ATG13: variants seen among roughly 807,000 people sequenced by gnomAD.
ATG13 encodes the protein autophagy-related protein 13.
A neutral mutation model predicts 65.5 loss-of-function variants in ATG13; 23 were observed. The observed-to-expected ratio is 0.35, with a 90% CI of 0.25 to 0.50. The LOEUF is 0.50. Ranked by LOEUF, ATG13 falls within the 20% of genes least tolerant of loss-of-function variation. The pLI is 0.98. For missense variants in ATG13, 566 were observed against 677.0 expected (o/e 0.84, Z 1.82); for synonymous variants, 252 against 245.2 (o/e 1.03, Z -0.26).
chr11:46,639,976 C>T (rs1044191996), intron 2 of ATG13, among the ~76,000 whole-genome samples: 9 of 151,450 alleles, frequency 5.9e-5, no homozygotes, highest in East Asian at 5.8e-4. Flanking sequence ...GTCTCAGCCT[C>T]CTGAGTAGCT....
chr11:46,647,168 A>G (rs149989046), intron 5 of ATG13, among the ~76,000 whole-genome samples: 53 of 152,016 alleles, frequency 3.5e-4, no homozygotes, highest in African/African-American at 1.2e-3. Flanking sequence ...TTAATGGGAG[A>G]TATAACTGCA....
chr11:46,669,658 T>C (rs2063246220), intron 18 of ATG13, 126 bp downstream of exon 18: 1 of 1,216,158 alleles, frequency 8.2e-7, no homozygotes, highest in Non-Finnish European at 1.1e-6. Flanking sequence ...TAGAAAATTA[T>C]CTTTTGATCA....
Position 46,643,100 on chromosome 11 carries a change from G to A in ATG13, c.-13-1179G>A, listed in dbSNP as rs922045684. On this transcript the variant is annotated intron_variant, in intron 2 of 18. Coordinates refer to ENST00000683050, the MANE Select transcript of ATG13 (RefSeq NM_001346311.2). ...AGTTCTGGTTGGTCAGCATAGCCGAGTTCTGATTGGTTGATACAGCTGACC... is the reference window on the plus strand; with the variant it reads ...AGTTCTGGTTGGTCAGCATAGCCGAATTCTGATTGGTTGATACAGCTGACC... Among the ~76,000 whole-genome samples, 3 of 152,160 alleles carry A rather than the reference G, an allele frequency of 2.0e-5. No homozygotes were observed. In the East Asian group the frequency reaches 5.8e-4, roughly 29 times the overall value.
chr11:46,635,827 T>C (rs938464971), intron 2 of ATG13, among the ~76,000 whole-genome samples: 1 of 152,206 alleles, frequency 6.6e-6, no homozygotes, highest in Non-Finnish European at 1.5e-5. Flanking sequence ...CAAAAAGTCA[T>C]TGGAGCCATT....
At chr11:46,644,453 C>A in intron 3 of ATG13, 93 bp downstream of exon 3, 2 of 1,059,544 alleles carry the variant, frequency 1.9e-6, no homozygotes, top group Non-Finnish European at 2.7e-6. Flanking sequence ...AGTAGCATAA[C>A]AGCTTGCAGC....
At chr11:46,649,903 T>C (rs1591908157) in intron 6 of ATG13, among the ~76,000 whole-genome samples, 1 of 152,174 alleles carries the variant, frequency 6.6e-6, no homozygotes, top group East Asian at 1.9e-4. Flanking sequence ...AATTGCAGTA[T>C]TTATTTATTT....
intron 11 of ATG13, among the ~76,000 whole-genome samples, chr11:46,662,289 G>A (rs949916334): frequency 2.0e-5 from 3 of 152,134 alleles, no homozygotes; most frequent in Admixed American, 6.5e-5. Context: ...ATTTCAGTAA[G>A]CAGTTCTGTT....
chr11:46,657,572 T>G lies in ATG13; in HGVS notation c.645T>G (p.Phe215Leu). The G allele has an allele frequency of 1.2e-6, 2 of 1,613,860 alleles. No homozygotes were observed. The highest frequency in any genetic ancestry group is 8.5e-7 in the Non-Finnish European group (1 of 1,179,868). The change falls in exon 10 of 19, where the codon TTT becomes TTG. Residue 215 changes from phenylalanine to leucine, a missense_variant. Around this residue, in one of 2 missense-constraint regions of ATG13, gnomAD observed 179 missense variants for 267.2 expected, o/e 0.67. Coordinates refer to ENST00000683050, the MANE Select transcript of ATG13 (RefSeq NM_001346311.2). ...PPIMGIIIDHFVDRPYPSSSP... is the reference protein window; with the variant it reads ...PPIMGIIIDHLVDRPYPSSSP... Reference sequence around the variant, plus strand: ...TCATGGGGATTATTATTGATCACTTTGTGGACCGTCCCTATCCCAGCTCCT... The same window carrying G: ...TCATGGGGATTATTATTGATCACTTGGTGGACCGTCCCTATCCCAGCTCCT...
intron 11 of ATG13, 62 bp from the exon 12 acceptor site, chr11:46,663,935 A>G: frequency 8.2e-7 from 1 of 1,213,744 alleles, no homozygotes; most frequent in East Asian, 2.5e-5. Context: ...TTCTTTCTCA[A>G]GTCCCTTTTC....
intron 7 of ATG13, among the ~76,000 whole-genome samples, chr11:46,655,734 T>A (rs2136658354): frequency 6.6e-6 from 1 of 152,272 alleles, no homozygotes; most frequent in African/African-American, 2.4e-5. Flanking sequence ...ACTTAATTAT[T>A]ATTTTCCTCA....
At chr11:46,662,673 C>A (rs2061435372) in intron 11 of ATG13, among the ~76,000 whole-genome samples, 1 of 152,206 alleles carries the variant, frequency 6.6e-6, no homozygotes, top group South Asian at 2.1e-4. Context: ...AACCTAATTT[C>A]TCTTGGCAGT....
intron 2 of ATG13, among the ~76,000 whole-genome samples, chr11:46,641,760 ATT>A (rs56660832): frequency 6.9e-6 from 1 of 144,296 alleles, no homozygotes. Flanking sequence ...GTTATACCTG[ATT>A]TTTTTTTTTT....
At chr11:46,640,383 C>T (rs1320550372) in intron 2 of ATG13, among the ~76,000 whole-genome samples, 1 of 152,212 alleles carries the variant, frequency 6.6e-6, no homozygotes, top group East Asian at 1.9e-4. Context: ...GAATGGCAAG[C>T]CACCTCTGGG....
At chr11:46,638,848 C>T (rs1412596787) in intron 2 of ATG13, among the ~76,000 whole-genome samples, 1 of 152,124 alleles carries the variant, frequency 6.6e-6, no homozygotes, top group East Asian at 1.9e-4. Context: ...CACTCTGTCA[C>T]CCAGGCTGGA....
At chr11:46,617,988 A>G (rs1440956237) in intron 1 of ATG13, 98 bp downstream of exon 1, 2 of 398,420 alleles carry the variant, frequency 5.0e-6, no homozygotes, top group Non-Finnish European at 8.8e-6. Context: ...GTGGAAGTAG[A>G]AGGGATTAGC....
chr11:46,645,278 C>A (rs2057228994), intron 3 of ATG13, 61 bp from the exon 4 acceptor site: 2 of 1,460,758 alleles, frequency 1.4e-6, no homozygotes, highest in East Asian at 4.6e-5. Flanking sequence ...TGATCGGGAG[C>A]CAGATTAGTC....
At chr11:46,644,195 T>A (rs866872876) in intron 2 of ATG13, 84 bp from the exon 3 acceptor site, 1 of 1,056,094 alleles carries the variant, frequency 9.5e-7, no homozygotes, top group Non-Finnish European at 1.3e-6. Context: ...CCTAGGCTAG[T>A]AGACAATACC....
At position 46,674,401 on chromosome 11, in the gene ATG13, C is replaced by G. The variant is rs921832198; in HGVS notation, c.*2069C>G. The G allele has an allele frequency of 5.9e-5, 9 of 152,274 alleles. No homozygotes were observed. The highest frequency in any genetic ancestry group is 1.9e-4 in the African/African-American group (8 of 41,432). The allele number at this position is 152,274 out of a possible 1,614,324, so 9.4% of individuals were successfully genotyped here. On this transcript the variant is annotated 3_prime_UTR_variant, in exon 19 of 19. Coordinates refer to ENST00000683050, the MANE Select transcript of ATG13 (RefSeq NM_001346311.2). The stretch of plus-strand genomic sequence containing the variant: ...ACAGGCTGGGACCAGCTGTTTGTCT[C>G]CAGGTGTCAGAGTCCCTCCTCCTCC...
At chr11:46,656,559 A>G (rs556019714) in intron 8 of ATG13, among the ~76,000 whole-genome samples, 2 of 152,360 alleles carry the variant, frequency 1.3e-5, no homozygotes, top group East Asian at 3.9e-4. Flanking sequence ...TTTCTGATGA[A>G]CAACAAGAAT....
Sources: allele counts gnomAD v4.1 joint callset (sites outside exome capture counted in the v4.1 genomes callset), GRCh38; gene constraint gnomAD v4.1.1; regional missense constraint gnomAD v4.1.1; transcripts MANE v1.5; gene names NCBI Gene and HGNC (gene_info 2026-07-23, HGNC 2026-07-21).